The following PARD3B variants were observed in gnomAD, a reference collection of about 807,000 sequenced individuals.
PARD3B encodes the protein par-3 family cell polarity regulator beta, also known as partitioning defective 3 homolog B.
Under a neutral mutation model 130.2 loss-of-function variants are expected in PARD3B, and 103 were observed. That is an observed-to-expected ratio of 0.79 (90% CI 0.67 to 0.93). The LOEUF is 0.93. Ranked by LOEUF, PARD3B falls within the 40% of genes least tolerant of loss-of-function variation. The pLI, the probability that PARD3B is intolerant of heterozygous loss-of-function variation, is 0.00. For missense variants in PARD3B, 1,609 were observed against 1,499.2 expected (o/e 1.07, Z -1.21); for synonymous variants, 583 against 553.2 (o/e 1.05, Z -0.76).
At chr2:205,124,168 T>C (rs181062873) in intron 8 of PARD3B, among the ~76,000 whole-genome samples, 159 bp from the exon 9 acceptor site, 3 of 152,326 alleles carry the variant, frequency 2.0e-5, no homozygotes, top group African/African-American at 7.2e-5. Context: ...ATAATCTGCA[T>C]TTGAAACACA....
At position 205,258,122 on chromosome 2, in the gene PARD3B, C is replaced by T. The variant is rs780291845; in HGVS notation, c.2185+12300C>T. On this transcript the variant is annotated intron_variant, in intron 16 of 22. Transcript: ENST00000406610. This position sits in a 1 kb window ranked among gnomAD's most constrained non-coding sequence, Gnocchi z 4.9. ...GAGAAACATAACAGATGCAATGGTA[C>T]ACTTCCATGTGGGCCTGGAAAGCCT... Among the ~76,000 whole-genome samples, 2 of 152,170 alleles carry T rather than the reference C, an allele frequency of 1.3e-5. No homozygotes were observed. The highest frequency in any genetic ancestry group is 1.3e-4 in the Admixed American group (2 of 15,286).
intron 2 of PARD3B, among the ~76,000 whole-genome samples, chr2:204,926,921 G>A (rs367929505): frequency 2.6e-5 from 4 of 152,036 alleles, no homozygotes; most frequent in African/African-American, 7.2e-5. Context: ...AGATATATAT[G>A]TGTCACCTAA....
chr2:205,375,364 A>G (rs759736120), intron 18 of PARD3B, among the ~76,000 whole-genome samples: 11 of 152,244 alleles, frequency 7.2e-5, no homozygotes, highest in Non-Finnish European at 1.6e-4. Context: ...TAAGAGAATA[A>G]TAGGAACTAA....
intron 3 of PARD3B, among the ~76,000 whole-genome samples, chr2:204,994,905 C>T (rs1694018850): frequency 6.6e-6 from 1 of 151,798 alleles, no homozygotes; most frequent in Admixed American, 6.6e-5. Flanking sequence ...ATTGCAACCC[C>T]TGCCTTTTTT....
At chr2:204,653,072 A>G (rs2035534950) in intron 1 of PARD3B, among the ~76,000 whole-genome samples, 1 of 151,042 alleles carries the variant, frequency 6.6e-6, no homozygotes, top group South Asian at 2.1e-4. Flanking sequence ...TCAAAAACTC[A>G]TGGACACAAA....
intron 18 of PARD3B, among the ~76,000 whole-genome samples, chr2:205,348,494 A>G (rs1367124938): frequency 6.6e-6 from 1 of 152,236 alleles, no homozygotes; most frequent in Non-Finnish European, 1.5e-5. Context: ...GGCAGGAGAG[A>G]GAGCAGATGG....
At chr2:204,640,210 C>T (rs745311096) in intron 1 of PARD3B, among the ~76,000 whole-genome samples, 5 of 152,066 alleles carry the variant, frequency 3.3e-5, no homozygotes, top group East Asian at 1.9e-4. Context: ...GAGCAGTGAT[C>T]GCACCACTGC....
intron 4 of PARD3B, chr2:205,103,709 G>T: frequency 1.0e-6 from 1 of 985,338 alleles, no homozygotes; most frequent in Non-Finnish European, 1.2e-6. Context: ...AATGTCTTCT[G>T]TAAGGAAGCA....
chr2:205,560,912 G>A (rs2053108870), intron 22 of PARD3B, among the ~76,000 whole-genome samples: 2 of 152,114 alleles, frequency 1.3e-5, no homozygotes, highest in African/African-American at 4.8e-5. Context: ...TTCCGCATTG[G>A]GTACGATTGT....
chr2:204,798,059 A>C (rs2042435651), intron 2 of PARD3B, among the ~76,000 whole-genome samples: 1 of 152,222 alleles, frequency 6.6e-6, no homozygotes. Context: ...CTATCCACTC[A>C]AGAAAGTACC....
At chr2:204,994,881 A>C (rs369490837) in intron 3 of PARD3B, among the ~76,000 whole-genome samples, 3 of 151,946 alleles carry the variant, frequency 2.0e-5, no homozygotes, top group East Asian at 1.9e-4. Context: ...AAGTCTGTTT[A>C]ATCCGAGACT....
At chr2:205,598,955 A>G (rs1242033609) in intron 22 of PARD3B, among the ~76,000 whole-genome samples, 1 of 152,232 alleles carries the variant, frequency 6.6e-6, no homozygotes, top group Non-Finnish European at 1.5e-5. Context: ...TCTTTGAGAT[A>G]AAGCTAAAGC....
chr2:204,632,759 G>A (rs2034726513), intron 1 of PARD3B, among the ~76,000 whole-genome samples: 1 of 152,166 alleles, frequency 6.6e-6, no homozygotes, highest in Non-Finnish European at 1.5e-5. Flanking sequence ...GCTGGGTGTG[G>A]GGGTTCCCTT....
At chr2:205,201,602 C>A (rs887509009) in intron 15 of PARD3B, among the ~76,000 whole-genome samples, 5 of 152,300 alleles carry the variant, frequency 3.3e-5, no homozygotes, top group African/African-American at 1.2e-4. Flanking sequence ...CTTTGGGGGG[C>A]CAAGGCGGGC....
chr2:205,414,790 G>A (rs1330804536), intron 19 of PARD3B, among the ~76,000 whole-genome samples: 1 of 152,016 alleles, frequency 6.6e-6, no homozygotes. Context: ...GTCTCTAATA[G>A]AGGCTGTGAT....
At chr2:205,023,492 T>A in intron 3 of PARD3B, among the ~76,000 whole-genome samples, 1 of 150,508 alleles carries the variant, frequency 6.6e-6, no homozygotes, top group Admixed American at 6.6e-5. Flanking sequence ...AGCTACTTTT[T>A]TAAATGTATG....
intron 1 of PARD3B, among the ~76,000 whole-genome samples, chr2:204,593,809 C>T (rs2033172486): frequency 6.6e-6 from 1 of 152,144 alleles, no homozygotes; most frequent in Non-Finnish European, 1.5e-5. Flanking sequence ...ACCTCTCTAC[C>T]TCTGCCTTTA....
At chr2:205,305,300 A>G (rs1258198523) in intron 18 of PARD3B, among the ~76,000 whole-genome samples, 1 of 152,170 alleles carries the variant, frequency 6.6e-6, no homozygotes, top group Non-Finnish European at 1.5e-5. Flanking sequence ...GGCATGTAGC[A>G]TGAGTGACTC....
chr2:204,970,810 G>A (rs1691636049), intron 3 of PARD3B, among the ~76,000 whole-genome samples: 1 of 152,170 alleles, frequency 6.6e-6, no homozygotes, highest in Admixed American at 6.5e-5. Context: ...AGTAATCTAA[G>A]TTTGGAGTTG....
Sources: gnomAD v4.1 joint callset for allele counts (sites outside exome capture counted in the v4.1 genomes callset) on GRCh38, gnomAD v4.1.1 for gene constraint, Gnocchi (gnomAD v3.1) non-coding constraint, MANE v1.5 for transcripts, NCBI Gene and HGNC (gene_info 2026-07-23, HGNC 2026-07-21) for gene names.